Variants in ADCYAP1R1 observed in about 807,000 individuals in gnomAD.
ADCYAP1R1 encodes the protein ADCYAP receptor type I, also known as pituitary adenylate cyclase-activating polypeptide type I receptor.
A neutral mutation model predicts 67.6 loss-of-function variants in ADCYAP1R1; 44 were observed. That is an observed-to-expected ratio of 0.65 (90% CI 0.51 to 0.84). The LOEUF is 0.84. Ranked by LOEUF, ADCYAP1R1 falls within the 40% of genes least tolerant of loss-of-function variation. The pLI is 0.00. For synonymous variants in ADCYAP1R1, 222 were observed against 219.6 expected, an observed-to-expected ratio of 1.01 and a Z score of -0.10; for missense variants, 477 against 587.9, an observed-to-expected ratio of 0.81 and a Z score of 1.95.
chr7:31,084,815 G>C lies in ADCYAP1R1; in HGVS notation c.517G>C (p.Val173Leu), dbSNP rs755090932. The C allele has an allele frequency of 6.2e-7, 1 of 1,614,128 alleles. No homozygotes were observed. The highest frequency in any genetic ancestry group is 8.5e-7 in the Non-Finnish European group (1 of 1,179,994). Residue 173 changes from valine to leucine, a missense_variant, in exon 8 of 16, where the codon GTC becomes CTC. Val to Leu is a conservative substitution (Grantham distance 32). Coordinates refer to ENST00000304166, the MANE Select transcript of ADCYAP1R1 (RefSeq NM_001118.5). Reference protein sequence around the residue: ...TSLVTLTTAMVILCRFRKLHC... With the variant: ...TSLVTLTTAMLILCRFRKLHC... ...CCTCGTCACCCTCACCACTGCCATG[G>C]TCATCCTTTGTCGCTTCCGGTGAGA...
At chr7:31,103,886 G>C (rs1796537656) in intron 14 of ADCYAP1R1, among the ~76,000 whole-genome samples, 1 of 152,202 alleles carries the variant, frequency 6.6e-6, no homozygotes, top group Non-Finnish European at 1.5e-5. Context: ...AAATGAGTAA[G>C]GGGCTAGGTG....
chr7:31,098,213 T>C (rs1796285568), intron 13 of ADCYAP1R1, among the ~76,000 whole-genome samples: 2 of 152,214 alleles, frequency 1.3e-5, no homozygotes, highest in South Asian at 4.1e-4. Context: ...AACCAACTTT[T>C]CAGCTAGGAA....
Position 31,086,410 on chromosome 7 carries a change from C to T in ADCYAP1R1, c.696C>T (p.Phe232=). 1 of 1,614,200 alleles carries T rather than the reference C, an allele frequency of 6.2e-7. No homozygotes were observed. The highest frequency in any genetic ancestry group is 1.1e-5 in the South Asian group (1 of 91,074). The change falls in exon 10 of 16, where the codon TTC becomes TTT. Residue 232 remains phenylalanine (F), a synonymous_variant. Transcript: ENST00000304166. This position sits in a 1 kb window ranked among gnomAD's most constrained non-coding sequence, Gnocchi z 5.0. ...STVECKAVMV[F]FHYCVVSNYF... ...TGGAATGTAAGGCCGTCATGGTTTTCTTCCACTACTGTGTTGTGTCCAACT... is the reference window on the plus strand; with the variant it reads ...TGGAATGTAAGGCCGTCATGGTTTTTTTCCACTACTGTGTTGTGTCCAACT...
chr7:31,067,059 A>G (rs1794767383), intron 3 of ADCYAP1R1, among the ~76,000 whole-genome samples: 1 of 152,198 alleles, frequency 6.6e-6, no homozygotes, highest in Non-Finnish European at 1.5e-5. Flanking sequence ...CATCTCTGCA[A>G]CTGCCCCAGG....
At chr7:31,098,231 A>G (rs377606594) in intron 13 of ADCYAP1R1, among the ~76,000 whole-genome samples, 1 of 152,236 alleles carries the variant, frequency 6.6e-6, no homozygotes, top group Non-Finnish European at 1.5e-5. Context: ...GAAAAGGTAC[A>G]TAATAAATTT....
chr7:31,095,578 C>T (rs1054243652), intron 13 of ADCYAP1R1: 3 of 711,684 alleles, frequency 4.2e-6, no homozygotes, highest in Non-Finnish European at 7.8e-6. Flanking sequence ...GTGCCAGAGT[C>T]CCCTGGGGTA....
At chr7:31,074,000 C>T (rs755426013) in intron 3 of ADCYAP1R1, among the ~76,000 whole-genome samples, 1 of 152,172 alleles carries the variant, frequency 6.6e-6, no homozygotes, top group Non-Finnish European at 1.5e-5. Flanking sequence ...TCCCAGGCCC[C>T]GGCCTGGGGT....
At chr7:31,106,210 A>G (rs578217684) in intron 15 of ADCYAP1R1, among the ~76,000 whole-genome samples, 5 of 152,198 alleles carry the variant, frequency 3.3e-5, no homozygotes, top group African/African-American at 1.2e-4. Flanking sequence ...GAAGGACCCA[A>G]TGGACTATTC....
intron 2 of ADCYAP1R1, 35 bp from the exon 3 acceptor site, chr7:31,064,796 C>T (rs201632868): frequency 1.1e-5 from 17 of 1,556,558 alleles, no homozygotes; most frequent in East Asian, 2.3e-5. Context: ...GGGCCTCCTA[C>T]CCGCTCCCAC....
chr7:31,087,463 C>A (rs547318912), intron 11 of ADCYAP1R1, among the ~76,000 whole-genome samples, 164 bp from the exon 12 acceptor site: 1 of 152,332 alleles, frequency 6.6e-6, no homozygotes, highest in African/African-American at 2.4e-5. Flanking sequence ...CAGGACCAGG[C>A]TGGAGTCTGT....
At position 31,092,637 on chromosome 7, in the gene ADCYAP1R1, TCC is replaced by T; in HGVS notation, c.955-6_955-5del. ...GTCCATCTGCTTTTTTTTTTTTTGC[TCC>T]TTAGGTTAACTTTGTGCTTTTTATT... On this transcript the variant is annotated splice_region_variant and splice_polypyrimidine_tract_variant and intron_variant, in intron 12 of 15. Transcript: ENST00000304166. 6.3e-7 allele frequency: 1 copy of T among 1,594,470 alleles called. No individual in the cohort carries two copies. Among genetic ancestry groups the T allele is most frequent in the African/African-American group, 1.3e-5 (1 of 74,084 alleles).
At position 31,096,665 on chromosome 7, in the gene ADCYAP1R1, G is replaced by A. The variant is rs1012601219; in HGVS notation, c.1046+3930G>A. 3.3e-5 allele frequency among the ~76,000 whole-genome samples: 5 copies of A among 152,166 alleles called. 1 individual carries two copies. In the East Asian group the frequency reaches 5.8e-4, roughly 18 times the overall value. ...GTATGGAGGAGTGGCTCGTCCTTGT[G>A]GTTGCGGAGGAGGTGGTGGTGGGCA... On this transcript the variant is annotated intron_variant, in intron 13 of 15. Transcript: ENST00000304166.
chr7:31,083,667 G>A (rs1795607451), intron 6 of ADCYAP1R1, among the ~76,000 whole-genome samples: 1 of 152,184 alleles, frequency 6.6e-6, no homozygotes, highest in South Asian at 2.1e-4. Context: ...ATCACATCAA[G>A]CTGTGTTCCC....
chr7:31,080,287 G>T (rs901811191), intron 4 of ADCYAP1R1, among the ~76,000 whole-genome samples: 1 of 152,210 alleles, frequency 6.6e-6, no homozygotes, highest in Non-Finnish European at 1.5e-5. Flanking sequence ...TGCAAGGAGA[G>T]AATGGGATTC....
intron 3 of ADCYAP1R1, among the ~76,000 whole-genome samples, chr7:31,077,014 G>C (rs1043986366): frequency 7.9e-5 from 12 of 152,192 alleles, no homozygotes; most frequent in African/African-American, 2.4e-4. Context: ...GTCTTCGGGG[G>C]TGTGGGGCGG....
chr7:31,086,335 CCTGTTCCTG>C lies in ADCYAP1R1; in HGVS notation c.670-48_670-40del. 6.3e-7 allele frequency: 1 copy of C among 1,598,476 alleles called. No homozygotes were observed. The highest frequency in any genetic ancestry group is 8.5e-7 in the Non-Finnish European group (1 of 1,172,776). ...ACGGGCCCTAGGATTCTCCCTTGCT[CCTGTTCCTG>C]TTGGGCTCACGCCCCTCACCCTGGC... On this transcript the variant is annotated intron_variant, in intron 9 of 15. Transcript: ENST00000304166. The surrounding 1 kb of genome is among the most constrained non-coding windows in gnomAD (Gnocchi z 5.0).
rs1795759434 is a variant in ADCYAP1R1 at position 31,086,741 on chromosome 7, G to A, written c.824-202G>A. Among the ~76,000 whole-genome samples, 1 of 152,158 alleles carries A rather than the reference G, an allele frequency of 6.6e-6. No homozygotes were observed. The highest frequency in any genetic ancestry group is 2.4e-5 in the African/African-American group (1 of 41,448). On this transcript the variant is annotated intron_variant, in intron 10 of 15. Coordinates refer to ENST00000304166, the MANE Select transcript of ADCYAP1R1 (RefSeq NM_001118.5). The surrounding 1 kb of genome is among the most constrained non-coding windows in gnomAD (Gnocchi z 5.0). ...CTATCTCAGGGAGGAGTTAAATCCAGGAGTCCTCTGAGAGACAAGACAGCC... is the reference window on the plus strand; with the variant it reads ...CTATCTCAGGGAGGAGTTAAATCCAAGAGTCCTCTGAGAGACAAGACAGCC...
At chr7:31,103,120 A>T in intron 13 of ADCYAP1R1, 117 bp from the exon 14 acceptor site, 1 of 1,421,516 alleles carries the variant, frequency 7.0e-7, no homozygotes, top group Non-Finnish European at 9.5e-7. Flanking sequence ...GGGTCTGTGG[A>T]CACGGGCCCC....
chr7:31,105,003 C>A, intron 15 of ADCYAP1R1, 94 bp downstream of exon 15: 1 of 1,293,402 alleles, frequency 7.7e-7, no homozygotes, highest in Non-Finnish European at 1.1e-6. Flanking sequence ...GGGACTGACT[C>A]TTCAGAGAGG....
Sources: gnomAD v4.1 joint callset for allele counts (sites outside exome capture counted in the v4.1 genomes callset) on GRCh38, gnomAD v4.1.1 for gene constraint, Gnocchi (gnomAD v3.1) non-coding constraint, MANE v1.5 for transcripts, NCBI Gene and HGNC (gene_info 2026-07-23, HGNC 2026-07-21) for gene names.